RBFOX1: variants seen among roughly 807,000 people sequenced by gnomAD.
The protein encoded by RBFOX1 is RNA binding protein fox-1 homolog 1.
A neutral mutation model predicts 57.7 loss-of-function variants in RBFOX1; 8 were observed. The ratio of observed to expected loss-of-function variants is 0.14; its 90% CI spans 0.08 to 0.25. The LOEUF (loss-of-function observed/expected upper bound fraction) is 0.25. RBFOX1 is among the 10% of genes least tolerant of loss of function. The pLI is 1.00. For missense variants in RBFOX1, 611 were observed against 548.5 expected (o/e 1.11, Z -1.14); for synonymous variants, 326 against 222.4 (o/e 1.47, Z -4.15).
intron 3 of RBFOX1, among the ~76,000 whole-genome samples, chr16:5,732,007 TC>T (rs1211300799): frequency 4.6e-5 from 7 of 152,200 alleles, no homozygotes; most frequent in African/African-American, 1.7e-4. Context: ...GAGCTGGGCA[TC>T]CCCTTGCAAG....
At chr16:6,682,733 A>G (rs1162158783) in intron 3 of RBFOX1, among the ~76,000 whole-genome samples, 1 of 152,072 alleles carries the variant, frequency 6.6e-6, no homozygotes, top group African/African-American at 2.4e-5. Context: ...ATGGTGTGAG[A>G]CGATGTTATC....
At chr16:7,126,414 C>G (rs1028043560) in intron 4 of RBFOX1, 5 of 232,842 alleles carry the variant, frequency 2.1e-5, no homozygotes, top group Non-Finnish European at 2.7e-5. Context: ...AACTGTGCAG[C>G]TCACACAGTA....
intron 3 of RBFOX1, among the ~76,000 whole-genome samples, chr16:6,673,536 G>A (rs868760901): frequency 2.6e-5 from 4 of 152,002 alleles, no homozygotes; most frequent in African/African-American, 4.8e-5. Context: ...TGCAGTGAGT[G>A]GAGGTTGTAG....
intron 3 of RBFOX1, among the ~76,000 whole-genome samples, chr16:5,865,617 G>T (rs1054866515): frequency 5.3e-5 from 8 of 152,176 alleles, no homozygotes; most frequent in African/African-American, 4.8e-5. Context: ...AGGTCAGTGG[G>T]AGCTGCAGGG....
At chr16:5,736,381 C>G (rs2052572169) in intron 3 of RBFOX1, among the ~76,000 whole-genome samples, 1 of 152,072 alleles carries the variant, frequency 6.6e-6, no homozygotes, top group African/African-American at 2.4e-5. Flanking sequence ...AAAAGTGCAC[C>G]CGAGTAGCAC....
chr16:7,644,269 T>C (rs908195509), intron 11 of RBFOX1, among the ~76,000 whole-genome samples: 1 of 152,162 alleles, frequency 6.6e-6, no homozygotes, highest in African/African-American at 2.4e-5. Flanking sequence ...TCATATGGTT[T>C]TGTGAGGCGT....
chr16:7,680,065 G>T (rs1458900610), intron 14 of RBFOX1, among the ~76,000 whole-genome samples: 1 of 152,124 alleles, frequency 6.6e-6, no homozygotes, highest in Non-Finnish European at 1.5e-5. Context: ...CATGGCAGAG[G>T]GGCCTTTGGT....
At chr16:7,024,256 A>G (rs942537003) in intron 3 of RBFOX1, among the ~76,000 whole-genome samples, 2 of 152,184 alleles carry the variant, frequency 1.3e-5, no homozygotes, top group African/African-American at 4.8e-5. Context: ...ACATGAATGC[A>G]CAGAGACATG....
chr16:7,049,389 A>G (rs947140424), intron 3 of RBFOX1, among the ~76,000 whole-genome samples: 7 of 152,162 alleles, frequency 4.6e-5, no homozygotes, highest in African/African-American at 1.4e-4. Context: ...TTGTTTATAC[A>G]TGAACACTAC....
intron 3 of RBFOX1, among the ~76,000 whole-genome samples, chr16:6,906,530 A>G (rs560851964): frequency 8.5e-5 from 13 of 152,290 alleles, no homozygotes; most frequent in African/African-American, 2.9e-4. Context: ...TCTAATCTCT[A>G]GAAACTTTTC....
chr16:7,504,741 A>ATATATATATATATATATATTTTTT (rs2072391404), intron 4 of RBFOX1, among the ~76,000 whole-genome samples: 1 of 10,274 alleles, frequency 9.7e-5, no homozygotes, highest in Admixed American at 1.2e-3. Flanking sequence ...ATATATATAT[A>ATATATATATATATATATATTTTTT]TATATATATA....
chr16:6,558,221 A>G (rs1371519086), intron 2 of RBFOX1, among the ~76,000 whole-genome samples: 4 of 152,070 alleles, frequency 2.6e-5, no homozygotes, highest in Admixed American at 6.6e-5. Flanking sequence ...TGATGGGTGA[A>G]ATGACTCTAT....
chr16:6,489,330 AT>A (rs2095577462), intron 2 of RBFOX1, among the ~76,000 whole-genome samples: 1 of 152,096 alleles, frequency 6.6e-6, no homozygotes, highest in Admixed American at 6.5e-5. Flanking sequence ...TTATTGGTTT[AT>A]TTGTTTATAT....
intron 2 of RBFOX1, among the ~76,000 whole-genome samples, chr16:5,494,945 A>G (rs1359004289): frequency 3.3e-5 from 5 of 152,220 alleles, no homozygotes; most frequent in Admixed American, 3.3e-4. Context: ...AAGTAGGAAT[A>G]ATACAGCGTG....
intron 1 of RBFOX1, among the ~76,000 whole-genome samples, chr16:6,234,933 T>C (rs1390039768): frequency 6.6e-6 from 1 of 152,124 alleles, no homozygotes; most frequent in African/African-American, 2.4e-5. Flanking sequence ...AATGTTTCCA[T>C]TGGGGGAAAC....
At chr16:7,371,257 G>A (rs974733808) in intron 4 of RBFOX1, among the ~76,000 whole-genome samples, 30 of 152,262 alleles carry the variant, frequency 2.0e-4, no homozygotes, top group Admixed American at 1.8e-3. Flanking sequence ...GTAAACAAAT[G>A]TGCCACAGTC....
chr16:7,131,332 C>T (rs766729093), intron 4 of RBFOX1, among the ~76,000 whole-genome samples: 24 of 124,246 alleles, frequency 1.9e-4, no homozygotes, highest in Non-Finnish European at 3.2e-4. Context: ...GGCATTGCAG[C>T]GAGACTGTCT....
chr16:6,887,962 C>T (rs1392333084), intron 3 of RBFOX1, among the ~76,000 whole-genome samples: 2 of 151,972 alleles, frequency 1.3e-5, no homozygotes, highest in Admixed American at 6.6e-5. Context: ...ACGCCTGTCC[C>T]ATCCTCATCA....
intron 1 of RBFOX1, among the ~76,000 whole-genome samples, chr16:6,133,235 G>T (rs576322456): frequency 5.3e-5 from 8 of 152,076 alleles, no homozygotes; most frequent in Non-Finnish European, 7.4e-5. Context: ...GCTGACAAAA[G>T]TCCCCTGATT....
Sources: gnomAD v4.1 joint callset for allele counts (sites outside exome capture counted in the v4.1 genomes callset) on GRCh38, gnomAD v4.1.1 for gene constraint, MANE v1.5 for transcripts, NCBI Gene and HGNC (gene_info 2026-07-23, HGNC 2026-07-21) for gene names.